Variants in PCDHGA11 observed in about 807,000 individuals in gnomAD.
The protein encoded by PCDHGA11 is protocadherin gamma subfamily A, 11.
In PCDHGA11, 39 loss-of-function variants were observed where a neutral mutation model predicts 60.4. The observed-to-expected ratio is 0.65, with a 90% CI of 0.50 to 0.84. The LOEUF (loss-of-function observed/expected upper bound fraction) is 0.84, where lower values mean the gene tolerates loss of function less well. PCDHGA11 is among the 40% of genes least tolerant of loss of function. The probability of loss-of-function intolerance (pLI) is 0.00; values close to 1 mark genes in which losing one functional copy is unlikely to be tolerated. For missense variants in PCDHGA11, 1,165 were observed against 1,197.7 expected, an observed-to-expected ratio of 0.97 and a Z score of 0.40; for synonymous variants, 533 against 510.3, an observed-to-expected ratio of 1.04 and a Z score of -0.60.
At chr5:141,430,818 T>G (rs1240970813) in intron 1 of PCDHGA11, 2 of 1,540,582 alleles carry the variant, frequency 1.3e-6, no homozygotes, top group Non-Finnish European at 1.7e-6. Flanking sequence ...GGAATCCTCC[T>G]GGGGACTCTG....
In PCDHGA11 at chr5:141,511,098, T is replaced by G; in HGVS notation, c.2733T>G (p.Ala911=). 6.2e-7 allele frequency: 1 copy of G among 1,614,132 alleles called. No individual in the cohort carries two copies. The highest frequency in any genetic ancestry group is 8.5e-7 in the Non-Finnish European group (1 of 1,179,996). ...PGSNATLTNA[A]GKRDGKAPAG... is the part of the protein sequence containing the mutation. The stretch of plus-strand genomic sequence containing the variant: ...GCAATGCCACACTGACCAACGCAGC[T>G]GGCAAGCGGGATGGCAAGGCCCCAG... Residue 911 remains alanine, a synonymous_variant, in exon 4 of 4, where the codon GCT becomes GCG. Transcript: ENST00000398587.
In PCDHGA11 at chr5:141,438,591, C is replaced by T. The variant is rs12717894; in HGVS notation, c.2433+14931C>T. 3.5e-3 allele frequency among the ~76,000 whole-genome samples: 262 copies of T among 75,376 alleles called. 1 individual carries two copies. The highest frequency in any genetic ancestry group is 4.5e-3 in the Non-Finnish European group (168 of 37,204). 49.4% of individuals were successfully genotyped at this position (75,376 alleles called of 152,430 possible). ...TCTGATATACATACATACATACATA[C>T]ATATATATATATATATATATATATA... On this transcript the variant is annotated intron_variant, in intron 1 of 3. Transcript: ENST00000398587.
chr5:141,431,389 G>T lies in PCDHGA11; in HGVS notation c.2433+7729G>T, dbSNP rs1213370298. 1 of 1,613,876 alleles carries T rather than the reference G, an allele frequency of 6.2e-7. No homozygotes were observed. Among genetic ancestry groups the T allele is most frequent in the Admixed American group, 1.7e-5 (1 of 60,028 alleles). On this transcript the variant is annotated intron_variant, in intron 1 of 3. Transcript: ENST00000398587. This position sits in a 1 kb window ranked among gnomAD's most constrained non-coding sequence, Gnocchi z 4.8. ...GCGAAGAAAAGGCTGCTCACCACCT[G>T]GTCCTTACGGCCTCCGACGGGGGCG...
intron 1 of PCDHGA11, among the ~76,000 whole-genome samples, chr5:141,434,848 C>T (rs1224972794): frequency 6.6e-6 from 1 of 151,786 alleles, no homozygotes; most frequent in Non-Finnish European, 1.5e-5. Context: ...AAGCAGACAT[C>T]AATAAATTTA....
In PCDHGA11 at chr5:141,431,371, A is replaced by G. The variant is rs2097366432; in HGVS notation, c.2433+7711A>G. The G allele has an allele frequency of 6.2e-7, 1 of 1,613,998 alleles. No individual in the cohort carries two copies. The highest frequency in any genetic ancestry group is 8.5e-7 in the Non-Finnish European group (1 of 1,180,038). ...TGAAACGCGCCCTGGACCGCGAAGA[A>G]AAGGCTGCTCACCACCTGGTCCTTA... On this transcript the variant is annotated intron_variant, in intron 1 of 3. Transcript: ENST00000398587. The surrounding 1 kb of genome is among the most constrained non-coding windows in gnomAD (Gnocchi z 4.8).
chr5:141,465,501 C>T (rs1044567555), intron 1 of PCDHGA11, among the ~76,000 whole-genome samples: 1 of 152,164 alleles, frequency 6.6e-6, no homozygotes, highest in Non-Finnish European at 1.5e-5. Context: ...GGAGCATTGT[C>T]GTGGTCAGGA....
intron 1 of PCDHGA11, among the ~76,000 whole-genome samples, chr5:141,468,747 T>A (rs2099176715): frequency 6.6e-6 from 1 of 151,990 alleles, no homozygotes; most frequent in South Asian, 2.1e-4. Context: ...GTGCCTGTAG[T>A]CCCAGCTACT....
At position 141,422,168 on chromosome 5, in the gene PCDHGA11, G is replaced by T; in HGVS notation, c.941G>T (p.Arg314Ile). The T allele has an allele frequency of 1.3e-6, 2 of 1,563,582 alleles. No homozygotes were observed. The highest frequency in any genetic ancestry group is 1.7e-6 in the Non-Finnish European group (2 of 1,160,320). ...GGGTCTCTGGATTTTGAAAAATATA[G>T]ATTCTATGAGATGGAAATTCAAGGC... is the stretch of plus-strand genomic sequence containing the variant. Reference protein sequence around the residue: ...VRGSLDFEKYRFYEMEIQGQD... With the variant: ...VRGSLDFEKYIFYEMEIQGQD... Residue 314 changes from arginine (R) to isoleucine (I), a missense_variant, in exon 1 of 4, where the codon AGA (arginine) becomes ATA (isoleucine). Transcript: ENST00000398587.
intron 1 of PCDHGA11, among the ~76,000 whole-genome samples, chr5:141,467,297 CT>C (rs1229166213): frequency 2.0e-5 from 3 of 152,182 alleles, no homozygotes; most frequent in African/African-American, 7.2e-5. Context: ...AAGTGATCCA[CT>C]CACCTCGGCC....
At chr5:141,454,811 T>TTTTTA (rs1284435092) in intron 1 of PCDHGA11, among the ~76,000 whole-genome samples, 4 of 125,862 alleles carry the variant, frequency 3.2e-5, no homozygotes, top group African/African-American at 1.3e-4. Context: ...TTTTTTTTTT[T>TTTTTA]TTTTTTTTTT....
chr5:141,456,434 G>A (rs1418917805), intron 1 of PCDHGA11, among the ~76,000 whole-genome samples: 1 of 152,108 alleles, frequency 6.6e-6, no homozygotes, highest in Non-Finnish European at 1.5e-5. Flanking sequence ...TTATAGTATT[G>A]AGTATACAGA....
At position 141,491,489 on chromosome 5, in the gene PCDHGA11, A is replaced by T; in HGVS notation, c.2434-3318A>T. 1.2e-6 allele frequency: 2 copies of T among 1,614,130 alleles called. No individual in the cohort carries two copies. Among genetic ancestry groups the T allele is most frequent in the Non-Finnish European group, 1.7e-6 (2 of 1,180,018 alleles). On this transcript the variant is annotated intron_variant, in intron 1 of 3. Coordinates refer to ENST00000398587, the MANE Select transcript of PCDHGA11 (RefSeq NM_018914.3). This position sits in a 1 kb window ranked among gnomAD's most constrained non-coding sequence, Gnocchi z 6.9. ...TATAAGCAGTCCAGCCCCAACCTGC[A>T]GGTGAGCTCGGACGGCACGCTCAAG... is the stretch of plus-strand genomic sequence containing the variant.
intron 1 of PCDHGA11, among the ~76,000 whole-genome samples, chr5:141,448,948 A>C (rs918513864): frequency 6.6e-6 from 1 of 152,170 alleles, no homozygotes; most frequent in African/African-American, 2.4e-5. Flanking sequence ...GCAACTCAAA[A>C]AAACAAACAA....
chr5:141,473,860 A>G (rs184722742), intron 1 of PCDHGA11, among the ~76,000 whole-genome samples: 409 of 152,318 alleles, frequency 2.7e-3, no homozygotes, highest in Middle Eastern at 6.8e-3. Context: ...GAACCTCGCT[A>G]TTGTGGAGAA....
chr5:141,470,130 A>G (rs915991313), intron 1 of PCDHGA11, among the ~76,000 whole-genome samples: 4 of 151,534 alleles, frequency 2.6e-5, no homozygotes, highest in African/African-American at 4.9e-5. Flanking sequence ...CTTCGTCTCA[A>G]AAAAAAAGAT....
Position 141,432,667 on chromosome 5 carries a change from C to T in PCDHGA11, c.2433+9007C>T, listed in dbSNP as rs1312138743. ...CGGCGCGAGCCCTGCTGGACAGAGACGCGCTCAAGCAGAGCCTCGTAGTGG... is the reference window on the plus strand; with the variant it reads ...CGGCGCGAGCCCTGCTGGACAGAGATGCGCTCAAGCAGAGCCTCGTAGTGG... On this transcript the variant is annotated intron_variant, in intron 1 of 3. Transcript: ENST00000398587. This position sits in a 1 kb window ranked among gnomAD's most constrained non-coding sequence, Gnocchi z 6.0. The T allele has an allele frequency of 1.2e-6, 2 of 1,613,876 alleles. No individual in the cohort carries two copies. The highest frequency in any genetic ancestry group is 1.1e-5 in the South Asian group (1 of 91,066).
At chr5:141,444,299 G>A (rs1017908182) in intron 1 of PCDHGA11, among the ~76,000 whole-genome samples, 20 of 150,672 alleles carry the variant, frequency 1.3e-4, no homozygotes, top group Non-Finnish European at 2.7e-4. Context: ...AGCCTCCCTA[G>A]TAGCTAGGAT....
chr5:141,462,792 G>C (rs2099046915), intron 1 of PCDHGA11, among the ~76,000 whole-genome samples: 1 of 152,080 alleles, frequency 6.6e-6, no homozygotes, highest in Admixed American at 6.6e-5. Flanking sequence ...TTGCTTATTT[G>C]CATGTCTAAT....
rs761264372 is a variant in PCDHGA11 at position 141,489,500 on chromosome 5, A to G, written c.2434-5307A>G. 12 of 1,614,112 alleles carry G rather than the reference A, an allele frequency of 7.4e-6. No individual in the cohort carries two copies. In the South Asian group the frequency reaches 1.3e-4, roughly 18 times the overall value. On this transcript the variant is annotated intron_variant, in intron 1 of 3. Coordinates refer to ENST00000398587, the MANE Select transcript of PCDHGA11 (RefSeq NM_018914.3). This position sits in a 1 kb window ranked among gnomAD's most constrained non-coding sequence, Gnocchi z 4.5. ...TTGATGAGTGGTGCCCTGGCAGTGA[A>G]TCAAAAGATTGACCGAGAAAGCCTA...
Sources: gnomAD v4.1 joint callset for allele counts (sites outside exome capture counted in the v4.1 genomes callset) on GRCh38, gnomAD v4.1.1 for gene constraint, Gnocchi (gnomAD v3.1) non-coding constraint, MANE v1.5 for transcripts, NCBI Gene and HGNC (gene_info 2026-07-23, HGNC 2026-07-21) for gene names.